The following HPSE variants were observed in gnomAD, a reference collection of about 807,000 sequenced individuals.
HPSE encodes the protein endo-glucoronidase.
HPSE carries 48 observed loss-of-function variants against 65.1 expected under a neutral mutation model. The ratio of observed to expected loss-of-function variants is 0.74; its 90% CI spans 0.58 to 0.94. HPSE has a LOEUF of 0.94. Among genes scored for constraint, HPSE ranks in the 40% least tolerant of loss-of-function variants. The pLI is 0.00. For missense variants in HPSE, 644 were observed against 637.5 expected (o/e 1.01, Z -0.11); for synonymous variants, 243 against 260.0 (o/e 0.93, Z 0.63).
chr4:83,299,425 A>C (rs549240103), intron 11 of HPSE, among the ~76,000 whole-genome samples: 1 of 150,810 alleles, frequency 6.6e-6, no homozygotes, highest in Non-Finnish European at 1.5e-5. Context: ...GCTATGTTGG[A>C]AAGGCTCTTG....
chr4:83,295,309 GA>G lies in HPSE; in HGVS notation c.*34del. ...GAGTTGCTTTACTCTTAGTATACTT[GA>G]AAAATTCAGTGTCAGGACTAGTATA... On this transcript the variant is annotated 3_prime_UTR_variant, in exon 12 of 12. Coordinates refer to ENST00000311412, the MANE Select transcript of HPSE (RefSeq NM_001098540.3). 6.4e-7 allele frequency: 1 copy of G among 1,553,936 alleles called. No individual in the cohort carries two copies. Among genetic ancestry groups the G allele is most frequent in the South Asian group, 1.2e-5 (1 of 83,730 alleles).
chr4:83,318,397 G>T lies in HPSE; in HGVS notation c.499+947C>A, dbSNP rs371348356. 1.4e-4 allele frequency among the ~76,000 whole-genome samples: 22 copies of T among 152,208 alleles called. No individual in the cohort carries two copies. The East Asian group carries it at 4.1e-3, about 28-fold the overall frequency. On this transcript the variant is annotated intron_variant, in intron 3 of 11. Coordinates refer to ENST00000311412, the MANE Select transcript of HPSE (RefSeq NM_001098540.3). ...CCCAGAACTTTGGGAGGCTGAGGTG[G>T]GTGGATCACCTGAGGTCAGGAGTTC...
intron 1 of HPSE, 109 bp downstream of exon 1, chr4:83,334,447 G>T: frequency 8.0e-7 from 1 of 1,244,224 alleles, no homozygotes; most frequent in Non-Finnish European, 1.1e-6. Flanking sequence ...CAGGCGGGGA[G>T]GTTCCGGTGT....
chr4:83,323,293 G>A (rs1215667856), intron 1 of HPSE, among the ~76,000 whole-genome samples: 4 of 152,086 alleles, frequency 2.6e-5, no homozygotes, highest in South Asian at 2.1e-4. Context: ...AATGTACACC[G>A]ACAGTGAACC....
intron 1 of HPSE, among the ~76,000 whole-genome samples, chr4:83,330,212 G>A: frequency 6.6e-6 from 1 of 152,210 alleles, no homozygotes; most frequent in East Asian, 1.9e-4. Flanking sequence ...ACTGGACTAT[G>A]GGAGAATATG....
At chr4:83,322,485 G>T in intron 1 of HPSE, 121 bp from the exon 2 acceptor site, 1 of 780,890 alleles carries the variant, frequency 1.3e-6, no homozygotes, top group Non-Finnish European at 1.9e-6. Context: ...AGGACTTAGA[G>T]GAGGAAATCA....
intron 3 of HPSE, among the ~76,000 whole-genome samples, chr4:83,314,110 G>A (rs747263449): frequency 7.3e-5 from 11 of 151,656 alleles, no homozygotes; most frequent in Admixed American, 3.3e-4. Context: ...AAAATTAGCC[G>A]GGCATGATGG....
At chr4:83,330,430 G>A (rs893987095) in intron 1 of HPSE, among the ~76,000 whole-genome samples, 1 of 152,254 alleles carries the variant, frequency 6.6e-6, no homozygotes, top group African/African-American at 2.4e-5. Flanking sequence ...GGAGTTAGGA[G>A]ACATGAGGTG....
chr4:83,300,902 T>G, intron 11 of HPSE, 58 bp downstream of exon 11: 1 of 1,177,996 alleles, frequency 8.5e-7, no homozygotes, highest in South Asian at 1.6e-5. Flanking sequence ...AACTCTCTAT[T>G]CTGATAAACA....
At chr4:83,324,464 T>C (rs938825052) in intron 1 of HPSE, among the ~76,000 whole-genome samples, 1 of 152,202 alleles carries the variant, frequency 6.6e-6, no homozygotes, top group Non-Finnish European at 1.5e-5. Flanking sequence ...AAGTCTCTTG[T>C]GTTAAAACTT....
At chr4:83,310,356 G>T (rs1040013289) in intron 5 of HPSE, among the ~76,000 whole-genome samples, 1 of 106,630 alleles carries the variant, frequency 9.4e-6, no homozygotes, top group Non-Finnish European at 2.1e-5. Context: ...CTACCAGAGA[G>T]AATCTTTTTT....
upstream of HPSE, chr4:83,335,088 G>A (rs1431862719): frequency 9.2e-6 from 3 of 324,460 alleles, no homozygotes; most frequent in East Asian, 5.1e-5. Flanking sequence ...GAGATGGCCG[G>A]GATCCAAGCG....
intron 4 of HPSE, among the ~76,000 whole-genome samples, chr4:83,312,001 C>G (rs774343581): frequency 3.3e-5 from 5 of 152,058 alleles, no homozygotes; most frequent in Non-Finnish European, 7.3e-5. Context: ...GAGCTTGACC[C>G]ACGTAGGATT....
chr4:83,318,030 A>T (rs4693082), intron 3 of HPSE, among the ~76,000 whole-genome samples: 120,940 of 151,830 alleles, frequency 0.8, 48,326 homozygotes, highest in East Asian at 0.87. Flanking sequence ...TTCTTATGGA[A>T]CACATTTTTT....
Position 83,310,711 on chromosome 4 carries a change from C to T in HPSE, c.842+11G>A. 6.2e-7 allele frequency: 1 copy of T among 1,604,896 alleles called. No individual in the cohort carries two copies. Among genetic ancestry groups the T allele is most frequent in the Non-Finnish European group, 8.5e-7 (1 of 1,176,400 alleles). On this transcript the variant is annotated intron_variant, in intron 5 of 11. Coordinates refer to ENST00000311412, the MANE Select transcript of HPSE (RefSeq NM_001098540.3). ...GAAAAGTAAAGTGATTCTGCATCCT[C>T]TAGTTCCTACCTCTTCAGCATCTTA...
Position 83,300,981 on chromosome 4 carries a change from C to T in HPSE, c.1451G>A (p.Gly484Glu). ...TTACTTGGAAAGTAATCCATGAGGT[C>T]CCAAAGGTCTTAGAAGGTATTTATC... is the stretch of plus-strand genomic sequence containing the variant. ...QVDKYLLRPL[G>E]PHGLLSKSVQ... The change falls in exon 11 of 12, where the codon GGA (glycine) becomes GAA (glutamate). Residue 484 changes from glycine to glutamate, a missense_variant. By Grantham distance (98) the Gly-to-Glu change is moderately conservative. Coordinates refer to ENST00000311412, the MANE Select transcript of HPSE (RefSeq NM_001098540.3). 2 of 1,598,366 alleles carry T rather than the reference C, an allele frequency of 1.3e-6. No individual in the cohort carries two copies. The highest frequency in any genetic ancestry group is 1.7e-6 in the Non-Finnish European group (2 of 1,172,986).
intron 4 of HPSE, among the ~76,000 whole-genome samples, chr4:83,312,317 C>T (rs1736413880): frequency 6.6e-6 from 1 of 152,206 alleles, no homozygotes. Flanking sequence ...GCCACATGCA[C>T]TTCCAAAAGT....
intron 1 of HPSE, among the ~76,000 whole-genome samples, chr4:83,328,256 G>A (rs531663563): frequency 6.6e-6 from 1 of 152,300 alleles, no homozygotes; most frequent in Non-Finnish European, 1.5e-5. Context: ...CCCTCTCTAG[G>A]CGCAGGAAAG....
At chr4:83,311,781 GAAAAA>G (rs59143616) in intron 4 of HPSE, among the ~76,000 whole-genome samples, 2,151 of 126,880 alleles carry the variant, frequency 0.017, 11 homozygotes, top group Middle Eastern at 0.035. Context: ...GATCTTGTCT[GAAAAA>G]AAAAAAAAAA....
Sources: gnomAD v4.1 joint callset for allele counts (sites outside exome capture counted in the v4.1 genomes callset) on GRCh38, gnomAD v4.1.1 for gene constraint, MANE v1.5 for transcripts, NCBI Gene and HGNC (gene_info 2026-07-23, HGNC 2026-07-21) for gene names.